HEATR1: variants seen among roughly 807,000 people sequenced by gnomAD.
HEATR1 encodes the protein HEAT repeat containing 1, also known as HEAT repeat-containing protein 1.
In HEATR1, 77 loss-of-function variants were observed where a neutral mutation model predicts 248.2. That is an observed-to-expected ratio of 0.31 (90% CI 0.26 to 0.37). HEATR1 has a LOEUF of 0.37. Among genes scored for constraint, HEATR1 ranks in the 10% least tolerant of loss-of-function variants. HEATR1 has a pLI of 1.00. For missense variants in HEATR1, 2,420 were observed against 2,504.9 expected, an observed-to-expected ratio of 0.97 and a Z score of 0.72; for synonymous variants, 897 against 923.1, an observed-to-expected ratio of 0.97 and a Z score of 0.51.
chr1:236,585,036 T>C lies in HEATR1; in HGVS notation c.2230A>G (p.Ile744Val). The C allele has an allele frequency of 1.9e-6, 3 of 1,612,872 alleles. No individual in the cohort carries two copies. Among genetic ancestry groups the C allele is most frequent in the Non-Finnish European group, 2.5e-6 (3 of 1,179,558 alleles). The change falls in exon 17 of 45, where the codon ATT (isoleucine) becomes GTT (valine). Residue 744 changes from isoleucine (I) to valine (V), a missense_variant. By Grantham distance (29) the Ile-to-Val change is conservative. Transcript: ENST00000366582. ...QKKIKKLESV[I>V]TAVEIPSEWH... ...TCTGCTTTCCTTACCACTGCAGTAA[T>C]GACACTTTCAAGCTTCTTTATTTTT...
chr1:236,557,233 G>C lies in HEATR1; in HGVS notation c.5317C>G (p.His1773Asp). 1 of 1,614,160 alleles carries C rather than the reference G, an allele frequency of 6.2e-7. No homozygotes were observed. The highest frequency in any genetic ancestry group is 8.5e-7 in the Non-Finnish European group (1 of 1,180,018). The change falls in exon 37 of 45, where the codon CAC becomes GAC. Residue 1773 changes from histidine to aspartate, a missense_variant. Transcript: ENST00000366582. The part of the protein sequence containing the change: ...ALQKVVETLP[H>D]FISPYLEGIL... ...CCTTCCAGATAGGGGCTGATGAAGT[G>C]CGGGAGAGTCTCCACAACCTTCTGC...
At chr1:236,600,118 A>ATTT (rs67344658) in intron 3 of HEATR1, among the ~76,000 whole-genome samples, 903 of 50,326 alleles carry the variant, frequency 0.018, 157 homozygotes, top group African/African-American at 0.062. Flanking sequence ...GTCTGTCAAC[A>ATTT]TTTTTTTTTT....
At position 236,571,690 on chromosome 1, in the gene HEATR1, C is replaced by T. The variant is rs1355887294; in HGVS notation, c.3708-4G>A. ...TTGTGGCAAGGGTTCTAAACATCTT[C>T]AGGACACCCAAAAGAGAAATGATGG... On this transcript the variant is annotated splice_polypyrimidine_tract_variant and splice_region_variant and intron_variant, in intron 26 of 44. Transcript: ENST00000366582. 3.2e-6 allele frequency: 5 copies of T among 1,581,278 alleles called. No individual in the cohort carries two copies. The highest frequency in any genetic ancestry group is 4.3e-6 in the Non-Finnish European group (5 of 1,150,898).
chr1:236,586,333 T>A lies in HEATR1; in HGVS notation c.1835A>T (p.Asp612Val), dbSNP rs1483791970. ...TTTCATCTCAGCAGATTCCGTATCA[T>A]CATTATTGATAACCATAAATGGCAG... is the stretch of plus-strand genomic sequence containing the variant. ...CLLPFMVINN[D>V]DTESAEMKIA... The change falls in exon 15 of 45, where the codon GAT (aspartate) becomes GTT (valine). Residue 612 changes from aspartate to valine, a missense_variant. Transcript: ENST00000366582. The A allele has an allele frequency of 6.2e-7, 1 of 1,613,048 alleles. No homozygotes were observed. The highest frequency in any genetic ancestry group is 1.3e-5 in the African/African-American group (1 of 75,032).
intron 1 of HEATR1, 101 bp from the exon 2 acceptor site, chr1:236,604,228 C>T: frequency 3.4e-6 from 3 of 892,264 alleles, no homozygotes; most frequent in Non-Finnish European, 4.8e-6. Flanking sequence ...GGACACACAA[C>T]GCGGGTGTCC....
At chr1:236,604,298 A>G (rs1664414432) in intron 1 of HEATR1, 124 bp downstream of exon 1, 1 of 478,870 alleles carries the variant, frequency 2.1e-6, no homozygotes, top group Admixed American at 4.4e-5. Context: ...AACTAATTAC[A>G]GTAGCGGCGA....
intron 3 of HEATR1, among the ~76,000 whole-genome samples, chr1:236,601,275 G>A (rs535247766): frequency 2.8e-4 from 41 of 148,066 alleles, no homozygotes; most frequent in South Asian, 4.3e-4. Context: ...TTGATACGGC[G>A]TCTCCCTGTT....
At chr1:236,593,948 A>G (rs1020477680) in intron 9 of HEATR1, 64 bp downstream of exon 9, 9 of 1,087,336 alleles carry the variant, frequency 8.3e-6, no homozygotes, top group Non-Finnish European at 1.2e-5. Flanking sequence ...TTTCTAACCA[A>G]TCTTGAAAAT....
intron 19 of HEATR1, 55 bp from the exon 20 acceptor site, chr1:236,581,469 C>A: frequency 7.9e-7 from 1 of 1,273,618 alleles, no homozygotes; most frequent in South Asian, 1.6e-5. Context: ...TAAGCTGGTT[C>A]CAAATCCTCT....
At position 236,556,159 on chromosome 1, in the gene HEATR1, G is replaced by A; in HGVS notation, c.5455C>T (p.Pro1819Ser). Reference sequence around the variant, plus strand: ...TTGATGGCGGGCAACAGGACTCGGGGTGCAAGTGTGGTAGCCAGTGTCTTT... The same window carrying A: ...TTGATGGCGGGCAACAGGACTCGGGATGCAAGTGTGGTAGCCAGTGTCTTT... The part of the protein sequence containing the change: ...LKKTLATTLA[P>S]RVLLPAIKKT... Residue 1819 changes from proline to serine, a missense_variant, in exon 38 of 45, where the codon CCC becomes TCC. By Grantham distance (74) the Pro-to-Ser change is moderately conservative. Transcript: ENST00000366582. 1 of 1,614,108 alleles carries A rather than the reference G, an allele frequency of 6.2e-7. No homozygotes were observed.
intron 33 of HEATR1, among the ~76,000 whole-genome samples, chr1:236,560,231 C>T (rs1663093106): frequency 1.3e-5 from 2 of 151,962 alleles, no homozygotes; most frequent in South Asian, 4.1e-4. Context: ...CACAGGCACA[C>T]ACACGCACAC....
chr1:236,561,124 G>A lies in HEATR1; in HGVS notation c.4646+101C>T, dbSNP rs940925629. 4.7e-6 allele frequency: 4 copies of A among 857,316 alleles called. No homozygotes were observed. In the Admixed American group the frequency reaches 8.4e-5, roughly 18 times the overall value. The allele number at this position is 857,316 out of a possible 1,614,324, so 53.1% of individuals were successfully genotyped here. A position where few individuals can be genotyped will look rare whatever the true frequency, so the allele number is the denominator to read the frequency against. ...GAAAGTATTATCAAATGGTGAACCT[G>A]GTTGTAAAGAGTATATGAATTTTCT... On this transcript the variant is annotated intron_variant, in intron 33 of 44. Transcript: ENST00000366582.
At chr1:236,603,658 G>A (rs939483436) in intron 2 of HEATR1, among the ~76,000 whole-genome samples, 3 of 143,926 alleles carry the variant, frequency 2.1e-5, no homozygotes, top group Non-Finnish European at 3.0e-5. Context: ...GGACTTCTCC[G>A]TCACCCCAGT....
rs1443742189 is a variant in HEATR1, at chr1:236,559,142, A to C, written c.4771-7T>G. 6.5e-7 allele frequency: 1 copy of C among 1,547,260 alleles called. No homozygotes were observed. Among genetic ancestry groups the C allele is most frequent in the African/African-American group, 1.4e-5 (1 of 71,604 alleles). On this transcript the variant is annotated splice_polypyrimidine_tract_variant and splice_region_variant and intron_variant, in intron 34 of 44. Coordinates refer to ENST00000366582, the MANE Select transcript of HEATR1 (RefSeq NM_018072.6). ...TGGGCAGCAAGGCATTGACCTAAAG[A>C]GAAATTTTATATTTAACATGAAAAG...
intron 41 of HEATR1, 62 bp from the exon 42 acceptor site, chr1:236,554,814 T>C (rs1208183419): frequency 1.2e-5 from 17 of 1,377,112 alleles, no homozygotes; most frequent in African/African-American, 1.5e-5. Flanking sequence ...ATCTCCAATG[T>C]TTACATTGAA....
chr1:236,568,754 A>G (rs2799430), intron 29 of HEATR1, among the ~76,000 whole-genome samples: 108,658 of 151,888 alleles, frequency 0.72, 39,196 homozygotes, highest in Admixed American at 0.76. Flanking sequence ...CAGCAGAACC[A>G]GCTATAACAC....
chr1:236,591,495 G>C (rs925240565), intron 11 of HEATR1, among the ~76,000 whole-genome samples: 6 of 152,108 alleles, frequency 3.9e-5, no homozygotes, highest in Non-Finnish European at 5.9e-5. Flanking sequence ...CTGTTTTTAA[G>C]GCTAAATATA....
intron 9 of HEATR1, among the ~76,000 whole-genome samples, chr1:236,593,280 A>C (rs140778000): frequency 1.3e-5 from 2 of 151,892 alleles, no homozygotes; most frequent in African/African-American, 4.9e-5. Context: ...ACATTCAGTA[A>C]GCCCTTCTGT....
chr1:236,600,358 T>A (rs1299085061), intron 3 of HEATR1, among the ~76,000 whole-genome samples: 1 of 151,758 alleles, frequency 6.6e-6, no homozygotes, highest in African/African-American at 2.4e-5. Context: ...CTCCAACTCC[T>A]GAGCTCAGGC....
Sources: allele counts gnomAD v4.1 joint callset (sites outside exome capture counted in the v4.1 genomes callset), GRCh38; gene constraint gnomAD v4.1.1; transcripts MANE v1.5; gene names NCBI Gene and HGNC (gene_info 2026-07-23, HGNC 2026-07-21).